The following PAX7 variants were observed in gnomAD, a reference collection of about 807,000 sequenced individuals.
PAX7 encodes paired box protein Pax-7.
A neutral mutation model predicts 50.7 loss-of-function variants in PAX7; 18 were observed. The ratio of observed to expected loss-of-function variants is 0.36; its 90% CI spans 0.25 to 0.53. The LOEUF (loss-of-function observed/expected upper bound fraction) is 0.53. PAX7 is among the 20% of genes least tolerant of loss of function. PAX7 has a pLI of 0.93. For missense variants in PAX7, 644 were observed against 702.9 expected (o/e 0.92, Z 0.95); for synonymous variants, 310 against 290.4 (o/e 1.07, Z -0.69).
chr1:18,688,291 A>G (rs2089005713), intron 4 of PAX7, among the ~76,000 whole-genome samples: 1 of 152,236 alleles, frequency 6.6e-6, no homozygotes, highest in African/African-American at 2.4e-5. Flanking sequence ...CTACCTAGAG[A>G]CTAGCACACG....
intron 4 of PAX7, among the ~76,000 whole-genome samples, chr1:18,679,248 G>A (rs772016507): frequency 3.3e-5 from 5 of 152,248 alleles, no homozygotes; most frequent in African/African-American, 9.6e-5. Flanking sequence ...ACAGAGGGAC[G>A]AGGCCCAAAG....
chr1:18,707,411 C>CTT (rs71575894), intron 7 of PAX7, among the ~76,000 whole-genome samples: 40 of 91,238 alleles, frequency 4.4e-4, no homozygotes, highest in Middle Eastern at 6.9e-3. Context: ...TTCTTTTTTT[C>CTT]TTTCTTTTTT....
At chr1:18,678,347 C>T (rs1008752979) in intron 4 of PAX7, among the ~76,000 whole-genome samples, 6 of 151,870 alleles carry the variant, frequency 4.0e-5, no homozygotes. Flanking sequence ...TGCAGTGAGC[C>T]GAGATTGTGC....
In PAX7 at chr1:18,736,034, A is replaced by G. The variant is rs1402362050; in HGVS notation, c.1402+156A>G. The G allele has an allele frequency of 4.0e-6, 6 of 1,502,190 alleles. No individual in the cohort carries two copies. The South Asian group carries it at 4.7e-5, about 12-fold the overall frequency. 93.1% of individuals were successfully genotyped at this position (1,502,190 alleles called of 1,614,324 possible). A position where few individuals can be genotyped will look rare whatever the true frequency, so the allele number is the denominator to read the frequency against. ...GAAGTCCAGCCAGATGGAACAGTTC[A>G]CCTAAAATGACACTGAGTTGGGCAA... On this transcript the variant is annotated intron_variant, in intron 8 of 8. Coordinates refer to ENST00000420770, the MANE Select transcript of PAX7 (RefSeq NM_001135254.2).
chr1:18,736,664 A>G (rs1930686160), intron 8 of PAX7, among the ~76,000 whole-genome samples: 1 of 152,172 alleles, frequency 6.6e-6, no homozygotes, highest in Non-Finnish European at 1.5e-5. Flanking sequence ...TTTAATTCGG[A>G]CACTGAGTTT....
At chr1:18,635,571 C>T (rs995134673) in intron 3 of PAX7, among the ~76,000 whole-genome samples, 2 of 128,576 alleles carry the variant, frequency 1.6e-5, no homozygotes, top group African/African-American at 3.2e-5. Context: ...GGTGGGCAGG[C>T]AGGAATGGGC....
intron 7 of PAX7, among the ~76,000 whole-genome samples, chr1:18,725,125 G>T (rs572178875): frequency 1.1e-4 from 16 of 152,326 alleles, no homozygotes; most frequent in African/African-American, 3.6e-4. Flanking sequence ...CCACTGAAGG[G>T]ATTTTGTTCC....
chr1:18,676,094 C>A (rs1271585398), intron 4 of PAX7, among the ~76,000 whole-genome samples: 2 of 152,192 alleles, frequency 1.3e-5, no homozygotes, highest in African/African-American at 2.4e-5. Context: ...TAAGTAACTA[C>A]CATGGTCCAG....
intron 7 of PAX7, among the ~76,000 whole-genome samples, chr1:18,734,323 A>T (rs1277571014): frequency 6.6e-6 from 1 of 152,016 alleles, no homozygotes; most frequent in Non-Finnish European, 1.5e-5. Flanking sequence ...CCTCCCATAA[A>T]GGGCGGCATC....
At chr1:18,717,409 T>C (rs997790717) in intron 7 of PAX7, among the ~76,000 whole-genome samples, 3 of 152,156 alleles carry the variant, frequency 2.0e-5, no homozygotes, top group East Asian at 3.9e-4. Flanking sequence ...CGTTCATTAG[T>C]TCATTAGGGC....
chr1:18,723,506 C>T (rs1001614046), intron 7 of PAX7, among the ~76,000 whole-genome samples: 2 of 152,148 alleles, frequency 1.3e-5, no homozygotes, highest in Admixed American at 1.3e-4. Flanking sequence ...GGTGAGGTAT[C>T]GTAGACAGAA....
intron 5 of PAX7, among the ~76,000 whole-genome samples, chr1:18,693,266 C>G (rs375550594): frequency 6.6e-6 from 1 of 152,180 alleles, no homozygotes; most frequent in Non-Finnish European, 1.5e-5. Flanking sequence ...AGCCTTTGCC[C>G]GGCACCCACT....
intron 8 of PAX7, among the ~76,000 whole-genome samples, chr1:18,743,047 A>G (rs1931233024): frequency 6.6e-6 from 1 of 152,136 alleles, no homozygotes; most frequent in Admixed American, 6.5e-5. Context: ...TCCTGCCCCC[A>G]TCAAAGGCCA....
In PAX7 at chr1:18,735,961, C is replaced by A. The variant is rs201625797; in HGVS notation, c.1402+83C>A. On this transcript the variant is annotated intron_variant, in intron 8 of 8. Coordinates refer to ENST00000420770, the MANE Select transcript of PAX7 (RefSeq NM_001135254.2). This position sits in a 1 kb window ranked among gnomAD's most constrained non-coding sequence, Gnocchi z 4.0. ...CCTCCTGCTTGTTTATGGAGAGCTA[C>A]AAGGTGGTGTCAGGGTGGGGAATGT... 3 of 1,613,850 alleles carry A rather than the reference C, an allele frequency of 1.9e-6. No homozygotes were observed. The East Asian group carries it at 6.7e-5, about 36-fold the overall frequency.
chr1:18,631,550 G>A lies in PAX7; in HGVS notation c.-54G>A. ...AGAGATCGCAGCAGGGGTGAAGGGA[G>A]CGGACGGGAAGCGATTTTTGCCGAC... On this transcript the variant is annotated 5_prime_UTR_variant, in exon 1 of 9. Transcript: ENST00000420770. The A allele has an allele frequency of 7.0e-7, 1 of 1,434,762 alleles. No individual in the cohort carries two copies. Among genetic ancestry groups the A allele is most frequent in the Non-Finnish European group, 9.7e-7 (1 of 1,027,574 alleles). The allele number at this position is 1,434,762 out of a possible 1,614,324, so 88.9% of individuals were successfully genotyped here.
Position 18,703,108 on chromosome 1 carries a change from G to GTGCA in PAX7, c.968_971dup (p.Arg325AlafsTer40). 6.2e-7 allele frequency: 1 copy of GTGCA among 1,613,786 alleles called. No homozygotes were observed. ...TCTCTCTACAGATGGGGGCAGCACT[G>GTGCA]TGCACCGGCCTCAGCCCCTGCCACC... On this transcript the variant is annotated frameshift_variant, in exon 7 of 9. Coordinates refer to ENST00000420770, the MANE Select transcript of PAX7 (RefSeq NM_001135254.2). LOFTEE classifies it high-confidence loss of function.
At chr1:18,635,820 A>G (rs1034319117) in intron 3 of PAX7, among the ~76,000 whole-genome samples, 19 of 149,680 alleles carry the variant, frequency 1.3e-4, no homozygotes, top group African/African-American at 2.9e-4. Context: ...GTGTGTGTGT[A>G]TGTGTGTGTG....
At chr1:18,744,683 TGGA>T in intron 8 of PAX7, 128 bp from the exon 9 acceptor site, 1 of 591,292 alleles carries the variant, frequency 1.7e-6, no homozygotes. Context: ...GATGGATGGA[TGGA>T]TAAATGGATG....
At chr1:18,718,575 T>C (rs1016852361) in intron 7 of PAX7, among the ~76,000 whole-genome samples, 1 of 151,848 alleles carries the variant, frequency 6.6e-6, no homozygotes, top group Admixed American at 6.6e-5. Flanking sequence ...GGGGATCTGT[T>C]GAAGGCCTCC....
Sources: gnomAD v4.1 joint callset for allele counts (sites outside exome capture counted in the v4.1 genomes callset) on GRCh38, gnomAD v4.1.1 for gene constraint, Gnocchi (gnomAD v3.1) non-coding constraint, MANE v1.5 for transcripts, NCBI Gene and HGNC (gene_info 2026-07-23, HGNC 2026-07-21) for gene names.